Variants in YTHDC2 observed in about 807,000 individuals in gnomAD.
YTHDC2 encodes 3'-5' RNA helicase YTHDC2.
Under a neutral mutation model 174.9 loss-of-function variants are expected in YTHDC2, and 45 were observed. The ratio of observed to expected loss-of-function variants is 0.26; its 90% confidence interval spans 0.20 to 0.33. The LOEUF (loss-of-function observed/expected upper bound fraction) is 0.33. YTHDC2 is among the 10% of genes least tolerant of loss of function. The pLI, the probability that YTHDC2 is intolerant of heterozygous loss-of-function variation, is 1.00. For synonymous variants in YTHDC2, 657 were observed against 574.5 expected, an observed-to-expected ratio of 1.14 and a Z score of -2.05; for missense variants, 1,650 against 1,723.7, an observed-to-expected ratio of 0.96 and a Z score of 0.76.
At chr5:113,576,494 A>G (rs1778052748) in intron 23 of YTHDC2, among the ~76,000 whole-genome samples, 1 of 152,184 alleles carries the variant, frequency 6.6e-6, no homozygotes, top group African/African-American at 2.4e-5. Flanking sequence ...GAATTACTTG[A>G]TAAAAATGTA....
At chr5:113,560,323 C>T (rs374569539) in intron 17 of YTHDC2, among the ~76,000 whole-genome samples, 5 of 152,332 alleles carry the variant, frequency 3.3e-5, no homozygotes, top group African/African-American at 1.2e-4. Context: ...TCATCACTTA[C>T]AAAAGTGTCT....
chr5:113,520,022 G>C (rs1773755338), intron 2 of YTHDC2, among the ~76,000 whole-genome samples: 2 of 152,156 alleles, frequency 1.3e-5, no homozygotes, highest in African/African-American at 2.4e-5. Context: ...GCATGCATTA[G>C]ATATTAGTCC....
At chr5:113,524,138 A>T (rs1774058370) in intron 2 of YTHDC2, among the ~76,000 whole-genome samples, 1 of 152,172 alleles carries the variant, frequency 6.6e-6, no homozygotes, top group Non-Finnish European at 1.5e-5. Flanking sequence ...ACAACTAGTA[A>T]GTGGTAGAAG....
At position 113,591,125 on chromosome 5, in the gene YTHDC2, T is replaced by A. The variant is rs1223770529; in HGVS notation, c.3910T>A (p.Ser1304Thr). The change falls in exon 27 of 30, where the codon TCT becomes ACT. Residue 1304 changes from serine to threonine, a missense_variant. Coordinates refer to ENST00000161863, the MANE Select transcript of YTHDC2 (RefSeq NM_022828.5). Reference sequence around the variant, plus strand: ...TAGCAATTTGAGAAACCTTGAAATTTCTCAACAGAAGGGTATCTGGTCTAC... The same window carrying A: ...TAGCAATTTGAGAAACCTTGAAATTACTCAACAGAAGGGTATCTGGTCTAC... ...KSSNLRNLEI[S>T]QQKGIWSTTP... is the part of the protein sequence containing the mutation. 1 of 1,613,842 alleles carries A rather than the reference T, an allele frequency of 6.2e-7. No homozygotes were observed. The highest frequency in any genetic ancestry group is 8.5e-7 in the Non-Finnish European group (1 of 1,179,910).
In YTHDC2 at chr5:113,567,233, G is replaced by A. The variant is rs567355230; in HGVS notation, c.2984G>A (p.Gly995Glu). 6.2e-7 allele frequency: 1 copy of A among 1,613,142 alleles called. No individual in the cohort carries two copies. The highest frequency in any genetic ancestry group is 1.1e-5 in the South Asian group (1 of 90,972). ...GACAGAGAGAATCTAGTGTTGACAG[G>A]GCCAAAGGAGAAAAAAGTACGATTT... ...HVDRENLVLTGPKEKKVRFHP... is the reference protein window; with the variant it reads ...HVDRENLVLTEPKEKKVRFHP... Residue 995 changes from glycine to glutamate, a missense_variant, in exon 22 of 30, where the codon GGG becomes GAG. By Grantham distance (98) the Gly-to-Glu change is moderately conservative. Coordinates refer to ENST00000161863, the MANE Select transcript of YTHDC2 (RefSeq NM_022828.5).
intron 23 of YTHDC2, among the ~76,000 whole-genome samples, chr5:113,578,578 C>T (rs1388855766): frequency 6.6e-6 from 1 of 152,036 alleles, no homozygotes; most frequent in African/African-American, 2.4e-5. Flanking sequence ...GGATATTTTT[C>T]TAACATTTTA....
chr5:113,593,059 G>T, intron 28 of YTHDC2: 1 of 314,620 alleles, frequency 3.2e-6, no homozygotes, highest in Non-Finnish European at 6.0e-6. Flanking sequence ...ATGGGAATCT[G>T]TTGCCATTTT....
intron 23 of YTHDC2, among the ~76,000 whole-genome samples, chr5:113,579,298 G>T (rs1408596491): frequency 1.3e-5 from 2 of 151,774 alleles, no homozygotes; most frequent in East Asian, 3.9e-4. Context: ...TATGTTATTT[G>T]TTTCTTTTTC....
At chr5:113,579,417 A>G (rs1387605801) in intron 23 of YTHDC2, among the ~76,000 whole-genome samples, 169 bp from the exon 24 acceptor site, 1 of 151,958 alleles carries the variant, frequency 6.6e-6, no homozygotes, top group Non-Finnish European at 1.5e-5. Context: ...TTTTCCTTTT[A>G]AATAAATACT....
At chr5:113,584,539 G>GT (rs1450477516) in intron 26 of YTHDC2, 60 bp downstream of exon 26, 8 of 1,349,710 alleles carry the variant, frequency 5.9e-6, no homozygotes, top group Non-Finnish European at 8.0e-6. Flanking sequence ...GTAATCCTAG[G>GT]TAAATAAAAT....
chr5:113,576,965 A>G (rs1009383156), intron 23 of YTHDC2, among the ~76,000 whole-genome samples: 15 of 152,146 alleles, frequency 9.9e-5, no homozygotes, highest in African/African-American at 3.4e-4. Context: ...TTTGTTTTCT[A>G]TAATTTGATT....
At chr5:113,590,842 C>T (rs1580662789) in intron 26 of YTHDC2, among the ~76,000 whole-genome samples, 199 bp from the exon 27 acceptor site, 2 of 152,264 alleles carry the variant, frequency 1.3e-5, no homozygotes, top group Admixed American at 1.3e-4. Flanking sequence ...TTTGAATGCT[C>T]TGAAAATGAG....
chr5:113,543,141 A>C (rs1426734842), intron 10 of YTHDC2, among the ~76,000 whole-genome samples: 1 of 152,126 alleles, frequency 6.6e-6, no homozygotes, highest in Non-Finnish European at 1.5e-5. Context: ...CCCTAACTTT[A>C]CATCTCCAGA....
chr5:113,560,319 C>T (rs2112702653), intron 17 of YTHDC2, among the ~76,000 whole-genome samples: 1 of 152,318 alleles, frequency 6.6e-6, no homozygotes, highest in African/African-American at 2.4e-5. Context: ...GGTGTCATCA[C>T]TTACAAAAGT....
At chr5:113,579,505 G>C in intron 23 of YTHDC2, 81 bp from the exon 24 acceptor site, 1 of 984,848 alleles carries the variant, frequency 1.0e-6, no homozygotes, top group Non-Finnish European at 1.5e-6. Flanking sequence ...TTGTGTATAT[G>C]AAGCGTATTT....
At position 113,541,764 on chromosome 5, in the gene YTHDC2, G is replaced by C. The variant is rs981135138; in HGVS notation, c.1360-604G>C. Reference sequence around the variant, plus strand: ...AAAATTGTTATTTAACATCTTTATAGATATGCACGCTAAATATACTATATA... The same window carrying C: ...AAAATTGTTATTTAACATCTTTATACATATGCACGCTAAATATACTATATA... On this transcript the variant is annotated intron_variant, in intron 9 of 29. Transcript: ENST00000161863. Among the ~76,000 whole-genome samples the C allele has an allele frequency of 5.9e-5, 9 of 151,858 alleles. 1 individual carries two copies. The highest frequency in any genetic ancestry group is 2.6e-4 in the Admixed American group (4 of 15,238).
At chr5:113,522,163 G>A (rs1472487849) in intron 2 of YTHDC2, among the ~76,000 whole-genome samples, 2 of 149,342 alleles carry the variant, frequency 1.3e-5, no homozygotes, top group Non-Finnish European at 1.5e-5. Context: ...TTTGGTGGTG[G>A]TTGTTGTTTG....
In YTHDC2 at chr5:113,591,121, A is replaced by T; in HGVS notation, c.3906A>T (p.Glu1302Asp). 5 of 1,613,936 alleles carry T rather than the reference A, an allele frequency of 3.1e-6. No homozygotes were observed. Among genetic ancestry groups the T allele is most frequent in the Non-Finnish European group, 4.2e-6 (5 of 1,179,878 alleles). Residue 1302 changes from glutamate to aspartate, a missense_variant, in exon 27 of 30, where the codon GAA becomes GAT. By Grantham distance (45) the Glu-to-Asp change is conservative. This residue lies in a region of YTHDC2 where 913 missense variants were observed against 940.4 expected (regional missense o/e 0.97). Transcript: ENST00000161863. Reference sequence around the variant, plus strand: ...AGAGTAGCAATTTGAGAAACCTTGAAATTTCTCAACAGAAGGGTATCTGGT... The same window carrying T: ...AGAGTAGCAATTTGAGAAACCTTGATATTTCTCAACAGAAGGGTATCTGGT... ...IMKSSNLRNLEISQQKGIWST... is the reference protein window; with the variant it reads ...IMKSSNLRNLDISQQKGIWST...
Position 113,553,237 on chromosome 5 carries a change from G to C in YTHDC2, c.1745G>C (p.Ser582Thr). Residue 582 changes from serine to threonine, a missense_variant, in exon 13 of 30, where the codon AGT becomes ACT. Physicochemically the swap from Ser to Thr is moderately conservative, Grantham distance 58. Coordinates refer to ENST00000161863, the MANE Select transcript of YTHDC2 (RefSeq NM_022828.5). Reference protein sequence around the residue: ...DESSLVQTNGSDLSAEDRELL... With the variant: ...DESSLVQTNGTDLSAEDRELL... ...AGTTCTCTGGTTCAAACAAATGGAAGTGACCTCAGTGCTGAAGACAGAGAG... is the reference window on the plus strand; with the variant it reads ...AGTTCTCTGGTTCAAACAAATGGAACTGACCTCAGTGCTGAAGACAGAGAG... The C allele has an allele frequency of 6.3e-7, 1 of 1,582,118 alleles. No homozygotes were observed. Among genetic ancestry groups the C allele is most frequent in the Non-Finnish European group, 8.6e-7 (1 of 1,165,238 alleles).
Sources: gnomAD v4.1 joint callset for allele counts (sites outside exome capture counted in the v4.1 genomes callset) on GRCh38, gnomAD v4.1.1 for gene constraint, gnomAD v4.1.1 regional missense constraint, MANE v1.5 for transcripts, NCBI Gene and HGNC (gene_info 2026-07-23, HGNC 2026-07-21) for gene names.